The following EXOC2 variants were observed in gnomAD, a reference collection of about 807,000 sequenced individuals.
The protein encoded by EXOC2 is SEC5-like 1.
A neutral mutation model predicts 131.8 loss-of-function variants in EXOC2; 70 were observed. The observed-to-expected ratio is 0.53, with a 90% CI of 0.44 to 0.65. The LOEUF is 0.65. Among genes scored for constraint, EXOC2 ranks in the 30% least tolerant of loss-of-function variants. The pLI, the probability that EXOC2 is intolerant of heterozygous loss-of-function variation, is 0.00. For synonymous variants in EXOC2, 411 were observed against 398.4 expected, an observed-to-expected ratio of 1.03 and a Z score of -0.38; for missense variants, 923 against 1,108.6, an observed-to-expected ratio of 0.83 and a Z score of 2.38.
Position 555,994 on chromosome 6 carries a change from G to A in EXOC2, c.1952C>T (p.Thr651Ile). The change falls in exon 19 of 28, where the codon ACA (threonine) becomes ATA (isoleucine). Residue 651 changes from threonine to isoleucine, a missense_variant. By Grantham distance (89) the Thr-to-Ile change is moderately conservative. Transcript: ENST00000230449. ...GEASVFQQPK[T>I]QEEVCQLSIN... ...GCTTAGCTGGCAAACCTCCTCCTGT[G>A]TTTTAGGTTGTTGGAAGACCTGTAA... 6.2e-7 allele frequency: 1 copy of A among 1,614,098 alleles called. No homozygotes were observed. The highest frequency in any genetic ancestry group is 8.5e-7 in the Non-Finnish European group (1 of 1,179,998).
intron 4 of EXOC2, among the ~76,000 whole-genome samples, chr6:622,099 G>T (rs1292158184): frequency 1.3e-5 from 2 of 152,234 alleles, no homozygotes; most frequent in African/African-American, 2.4e-5. Context: ...AACTCAGCTA[G>T]AAAGAATGAC....
chr6:623,684 G>A (rs1761410488), intron 4 of EXOC2, among the ~76,000 whole-genome samples: 1 of 152,152 alleles, frequency 6.6e-6, no homozygotes, highest in East Asian at 1.9e-4. Context: ...CCCTTAACTG[G>A]GGAGAGATCA....
chr6:539,706 T>A (rs1329809697), intron 22 of EXOC2, among the ~76,000 whole-genome samples: 1 of 152,254 alleles, frequency 6.6e-6, no homozygotes, highest in South Asian at 2.1e-4. Flanking sequence ...TTTTAAAAAT[T>A]ATGCTTCCAA....
At chr6:548,892 C>T (rs1187831410) in intron 22 of EXOC2, among the ~76,000 whole-genome samples, 2 of 152,182 alleles carry the variant, frequency 1.3e-5, no homozygotes, top group Non-Finnish European at 2.9e-5. Context: ...TCATTTTCTT[C>T]CCTCACTTTT....
chr6:619,693 T>C (rs1761189471), intron 4 of EXOC2, 150 bp from the exon 5 acceptor site: 2 of 532,490 alleles, frequency 3.8e-6, no homozygotes, highest in South Asian at 3.1e-5. Flanking sequence ...TGTTTGTATA[T>C]ATGTACAAAA....
chr6:505,940 T>A (rs1764522473), intron 23 of EXOC2, among the ~76,000 whole-genome samples: 1 of 152,152 alleles, frequency 6.6e-6, no homozygotes, highest in Non-Finnish European at 1.5e-5. Context: ...AATAAACACA[T>A]CAGAGAAAAA....
At chr6:505,999 G>A (rs137949215) in intron 23 of EXOC2, among the ~76,000 whole-genome samples, 246 of 152,258 alleles carry the variant, frequency 1.6e-3, no homozygotes, top group African/African-American at 5.4e-3. Context: ...ATATATCTGC[G>A]TCATCTACTA....
chr6:561,400 A>G (rs1757692059), intron 17 of EXOC2, among the ~76,000 whole-genome samples: 1 of 152,174 alleles, frequency 6.6e-6, no homozygotes, highest in African/African-American at 2.4e-5. Flanking sequence ...GGGATCTGGA[A>G]CCAGCCTTCG....
chr6:642,916 A>AC (rs1413864729), intron 1 of EXOC2, among the ~76,000 whole-genome samples: 5 of 150,286 alleles, frequency 3.3e-5, no homozygotes, highest in Non-Finnish European at 5.9e-5. Flanking sequence ...TGTAAAAGGC[A>AC]TTTTTCAAGT....
intron 4 of EXOC2, among the ~76,000 whole-genome samples, chr6:624,795 A>C (rs1023309511): frequency 6.6e-6 from 1 of 152,258 alleles, no homozygotes; most frequent in Non-Finnish European, 1.5e-5. Flanking sequence ...GTAGTATATC[A>C]ACACAGCTAA....
chr6:530,121 G>T (rs914436640), intron 23 of EXOC2, among the ~76,000 whole-genome samples: 1 of 152,150 alleles, frequency 6.6e-6, no homozygotes, highest in African/African-American at 2.4e-5. Flanking sequence ...TTCCCATTCA[G>T]CAAATATGAA....
At chr6:501,126 TATTATATATATCTA>T (rs1174834377) in intron 23 of EXOC2, among the ~76,000 whole-genome samples, 10 of 66,606 alleles carry the variant, frequency 1.5e-4, no homozygotes, top group East Asian at 7.3e-4. Flanking sequence ...TATCTATATA[TATTATATATATCTA>T]TATATATTAT....
chr6:522,355 A>T (rs1054209860), intron 23 of EXOC2, among the ~76,000 whole-genome samples: 3 of 149,850 alleles, frequency 2.0e-5, no homozygotes, highest in Non-Finnish European at 4.4e-5. Flanking sequence ...TCCAGGCCTC[A>T]GCCAGGCCCA....
intron 1 of EXOC2, among the ~76,000 whole-genome samples, chr6:686,095 G>A (rs1764641629): frequency 6.6e-6 from 1 of 151,544 alleles, no homozygotes; most frequent in African/African-American, 2.4e-5. Context: ...CCAAGTAGCT[G>A]GGATTACAGG....
chr6:638,277 C>T, intron 1 of EXOC2, among the ~76,000 whole-genome samples: 1 of 152,202 alleles, frequency 6.6e-6, no homozygotes, highest in Admixed American at 6.5e-5. Flanking sequence ...CTTACATTCC[C>T]ACAGGTGTAC....
intron 1 of EXOC2, among the ~76,000 whole-genome samples, chr6:638,746 G>A (rs557353872): frequency 6.6e-6 from 1 of 152,100 alleles, no homozygotes; most frequent in South Asian, 2.1e-4. Flanking sequence ...CCTGACCAAC[G>A]TGGTGAAACC....
At chr6:612,552 TAAAC>T (rs974038655) in intron 6 of EXOC2, among the ~76,000 whole-genome samples, 3 of 152,066 alleles carry the variant, frequency 2.0e-5, no homozygotes, top group African/African-American at 2.4e-5. Context: ...CTAAAGAAAA[TAAAC>T]AAACAGTAAA....
chr6:544,943 C>G (rs1390681366), intron 22 of EXOC2, among the ~76,000 whole-genome samples: 1 of 151,588 alleles, frequency 6.6e-6, no homozygotes, highest in Non-Finnish European at 1.5e-5. Flanking sequence ...GTCAGGAGAT[C>G]GAGACCATCC....
intron 23 of EXOC2, among the ~76,000 whole-genome samples, chr6:518,004 G>A (rs904110951): frequency 6.6e-6 from 1 of 152,204 alleles, no homozygotes; most frequent in African/African-American, 2.4e-5. Context: ...TTAATTAAGA[G>A]ACATATCAAC....
Sources: gnomAD v4.1 joint callset for allele counts (sites outside exome capture counted in the v4.1 genomes callset) on GRCh38, gnomAD v4.1.1 for gene constraint, MANE v1.5 for transcripts, NCBI Gene and HGNC (gene_info 2026-07-23, HGNC 2026-07-21) for gene names.